The following PXDNL variants were observed in gnomAD, a reference collection of about 807,000 sequenced individuals.
PXDNL encodes peroxidasin like.
Under a neutral mutation model 150.8 loss-of-function variants are expected in PXDNL, and 145 were observed. That is an observed-to-expected ratio of 0.96 (90% confidence interval 0.84 to 1.10). The LOEUF (loss-of-function observed/expected upper bound fraction) is 1.10, where lower values mean the gene tolerates loss of function less well. Among genes scored for constraint, PXDNL ranks in the 50% least tolerant of loss-of-function variants. The probability of loss-of-function intolerance (pLI) is 0.00; values close to 1 mark genes in which losing one functional copy is unlikely to be tolerated. For synonymous variants in PXDNL, 757 were observed against 725.7 expected (o/e 1.04, Z -0.69); for missense variants, 2,087 against 1,873.9 (o/e 1.11, Z -2.10).
intron 14 of PXDNL, among the ~76,000 whole-genome samples, chr8:51,414,900 G>A (rs1427399725): frequency 6.6e-6 from 1 of 152,144 alleles, no homozygotes; most frequent in Non-Finnish European, 1.5e-5. Context: ...ATGAAAAAGT[G>A]TCAATGAACT....
chr8:51,524,416 C>A (rs1253611294), intron 4 of PXDNL, among the ~76,000 whole-genome samples: 1 of 152,116 alleles, frequency 6.6e-6, no homozygotes, highest in African/African-American at 2.4e-5. Flanking sequence ...TTGGTAGCCT[C>A]CTTTTTCTCT....
chr8:51,770,003 T>G (rs2037274588), intron 1 of PXDNL, among the ~76,000 whole-genome samples: 1 of 152,220 alleles, frequency 6.6e-6, no homozygotes. Context: ...AATGCTATTT[T>G]GTGAACATGC....
intron 9 of PXDNL, among the ~76,000 whole-genome samples, chr8:51,455,664 T>A (rs1809924158): frequency 6.6e-6 from 1 of 152,136 alleles, no homozygotes; most frequent in Non-Finnish European, 1.5e-5. Flanking sequence ...AGTCGTGTTC[T>A]CAAAGTAGAA....
Position 51,511,346 on chromosome 8 carries a change from C to T in PXDNL, c.381-11576G>A, listed in dbSNP as rs184336667. 5.3e-5 allele frequency among the ~76,000 whole-genome samples: 8 copies of T among 152,268 alleles called. No individual in the cohort carries two copies. In the South Asian group the frequency reaches 6.2e-4, roughly 12 times the overall value. ...CTTATGGCTTAGAACTTTAGACAGG[C>T]GCTAGCAGTATTTGGCCTCCTTCCC... On this transcript the variant is annotated intron_variant, in intron 4 of 22. Transcript: ENST00000356297.
chr8:51,644,355 C>A (rs1444131465), intron 2 of PXDNL, among the ~76,000 whole-genome samples: 1 of 50,556 alleles, frequency 2.0e-5, no homozygotes, highest in Non-Finnish European at 6.1e-5. Context: ...CACACACACA[C>A]ACACACACAT....
intron 1 of PXDNL, among the ~76,000 whole-genome samples, chr8:51,745,551 C>A (rs1285901009): frequency 1.3e-5 from 2 of 152,182 alleles, no homozygotes; most frequent in African/African-American, 4.8e-5. Flanking sequence ...CATTTTCAGG[C>A]TACCTGATCT....
At chr8:51,561,793 A>G (rs1447801228) in intron 3 of PXDNL, among the ~76,000 whole-genome samples, 1 of 151,940 alleles carries the variant, frequency 6.6e-6, no homozygotes, top group East Asian at 1.9e-4. Flanking sequence ...CTGGAGATTG[A>G]TTACACCACA....
intron 4 of PXDNL, among the ~76,000 whole-genome samples, chr8:51,529,125 T>C (rs925557430): frequency 2.0e-5 from 3 of 152,188 alleles, no homozygotes; most frequent in Admixed American, 6.5e-5. Context: ...ATAGATACTT[T>C]AACGTCAATC....
In PXDNL at chr8:51,409,018, C is replaced by T; in HGVS notation, c.2606G>A (p.Cys869Tyr). The T allele has an allele frequency of 6.2e-7, 1 of 1,610,998 alleles. No individual in the cohort carries two copies. Residue 869 changes from cysteine (C) to tyrosine (Y), a missense_variant, in exon 17 of 23, where the codon TGT (cysteine) becomes TAT (tyrosine). Coordinates refer to ENST00000356297, the MANE Select transcript of PXDNL (RefSeq NM_144651.5). ...CMLFARSSPA[C>Y]ASGRPSATVD... is the part of the protein sequence containing the mutation. ...CGTCGCAGAGGGACGGCCGCTGGCA[C>T]ACGCGGGGCTGGAGCGCGCGAAGAG...
At chr8:51,664,344 A>G (rs1815336457) in intron 1 of PXDNL, among the ~76,000 whole-genome samples, 1 of 152,206 alleles carries the variant, frequency 6.6e-6, no homozygotes, top group African/African-American at 2.4e-5. Context: ...AGTGAGTTTA[A>G]AAGTAATAAG....
At chr8:51,484,638 C>T (rs375624980) in intron 5 of PXDNL, among the ~76,000 whole-genome samples, 41 of 152,208 alleles carry the variant, frequency 2.7e-4, no homozygotes, top group East Asian at 1.7e-3. Flanking sequence ...TCTACATGTC[C>T]GGAGCTGGAT....
intron 17 of PXDNL, among the ~76,000 whole-genome samples, chr8:51,405,198 G>A (rs1456046699): frequency 3.9e-5 from 6 of 152,276 alleles, no homozygotes; most frequent in East Asian, 1.9e-4. Flanking sequence ...GCCGGCTTCC[G>A]CCTGGGCCAG....
chr8:51,778,007 C>T (rs1044246732), intron 1 of PXDNL, among the ~76,000 whole-genome samples: 1 of 152,276 alleles, frequency 6.6e-6, no homozygotes, highest in South Asian at 2.1e-4. Context: ...GCCATAGATA[C>T]TAGCAAATGC....
intron 3 of PXDNL, among the ~76,000 whole-genome samples, chr8:51,589,856 T>C (rs1813404196): frequency 6.6e-6 from 1 of 152,054 alleles, no homozygotes. Flanking sequence ...AAAAAGCATG[T>C]AAAAGAGAGA....
chr8:51,750,326 G>T lies in PXDNL; in HGVS notation c.164+58855C>A, dbSNP rs185301447. On this transcript the variant is annotated intron_variant, in intron 1 of 22. Coordinates refer to ENST00000356297, the MANE Select transcript of PXDNL (RefSeq NM_144651.5). ...ATATCCCACTGGAAGGTCCTCAGGG[G>T]CAAAAGCACGCATGGAGCTGTCATC... Among the ~76,000 whole-genome samples, 205 of 152,160 alleles carry T rather than the reference G, an allele frequency of 1.3e-3. 1 individual carries two copies. Among genetic ancestry groups the T allele is most frequent in the African/African-American group, 4.7e-3 (196 of 41,494 alleles).
chr8:51,432,433 C>T (rs1586101960), intron 12 of PXDNL, among the ~76,000 whole-genome samples: 2 of 152,262 alleles, frequency 1.3e-5, no homozygotes, highest in East Asian at 3.9e-4. Flanking sequence ...TTTCAGTTTC[C>T]ATCAAGAACT....
At position 51,657,355 on chromosome 8, in the gene PXDNL, G is replaced by T. The variant is rs999515663; in HGVS notation, c.165-2595C>A. On this transcript the variant is annotated intron_variant, in intron 1 of 22. Coordinates refer to ENST00000356297, the MANE Select transcript of PXDNL (RefSeq NM_144651.5). ...TTTGTGCTTTTAAATTTACAAAAAAGCTATCAAATGTTATATGGTTGTTAA... is the reference window on the plus strand; with the variant it reads ...TTTGTGCTTTTAAATTTACAAAAAATCTATCAAATGTTATATGGTTGTTAA... 1.3e-4 allele frequency among the ~76,000 whole-genome samples: 20 copies of T among 152,198 alleles called. No individual in the cohort carries two copies. In the East Asian group the frequency reaches 3.9e-3, roughly 29 times the overall value.
intron 19 of PXDNL, among the ~76,000 whole-genome samples, chr8:51,368,280 T>C (rs1280707857): frequency 6.6e-6 from 1 of 152,226 alleles, no homozygotes; most frequent in African/African-American, 2.4e-5. Context: ...TACAGCTAAG[T>C]GACAGAAATC....
chr8:51,528,009 G>A (rs186230339), intron 4 of PXDNL, among the ~76,000 whole-genome samples: 2 of 152,198 alleles, frequency 1.3e-5, no homozygotes, highest in Non-Finnish European at 2.9e-5. Flanking sequence ...TAATCTAGTA[G>A]TTTGTGTGTA....
Sources: allele counts gnomAD v4.1 joint callset (sites outside exome capture counted in the v4.1 genomes callset), GRCh38; gene constraint gnomAD v4.1.1; transcripts MANE v1.5; gene names NCBI Gene and HGNC (gene_info 2026-07-23, HGNC 2026-07-21).